ZMAT4: variants seen among roughly 807,000 people sequenced by gnomAD.
ZMAT4 encodes zinc finger matrin-type protein 4.
ZMAT4 carries 17 observed loss-of-function variants against 28.7 expected under a neutral mutation model. The observed-to-expected ratio is 0.59, with a 90% CI of 0.41 to 0.89. ZMAT4 has a LOEUF of 0.89. Among genes scored for constraint, ZMAT4 ranks in the 40% least tolerant of loss-of-function variants. The probability of loss-of-function intolerance (pLI) is 0.00; values close to 1 mark genes in which losing one functional copy is unlikely to be tolerated. For synonymous variants in ZMAT4, 117 were observed against 109.2 expected (o/e 1.07, Z -0.44); for missense variants, 240 against 283.8 (o/e 0.85, Z 1.11).
At chr8:40,549,805 A>G (rs1486130424) in intron 6 of ZMAT4, among the ~76,000 whole-genome samples, 1 of 152,122 alleles carries the variant, frequency 6.6e-6, no homozygotes, top group Non-Finnish European at 1.5e-5. Context: ...TTCATTGCCT[A>G]AATTCCTTAG....
chr8:40,555,250 C>T lies in ZMAT4; in HGVS notation c.675-23012G>A, dbSNP rs59331218. Among the ~76,000 whole-genome samples, 392 of 152,194 alleles carry T rather than the reference C, an allele frequency of 2.6e-3. 2 individuals carry two copies. Among genetic ancestry groups the T allele is most frequent in the African/African-American group, 8.6e-3 (358 of 41,530 alleles). ...CACTTAGGTTAATTCCATATATTTG[C>T]GATTGCGAATACTGCCACAATAAAC... On this transcript the variant is annotated intron_variant, in intron 6 of 6. Transcript: ENST00000297737.
chr8:40,812,934 A>AAAAAT (rs1449323614), intron 2 of ZMAT4, among the ~76,000 whole-genome samples: 641 of 41,100 alleles, frequency 0.016, 11 homozygotes, highest in African/African-American at 0.024. Flanking sequence ...ACTCCATCTC[A>AAAAAT]AAAATTAAAT....
chr8:40,615,258 C>T (rs528350986), intron 5 of ZMAT4, among the ~76,000 whole-genome samples: 16 of 152,298 alleles, frequency 1.1e-4, no homozygotes. Context: ...TTGGCCCCCA[C>T]TCTCTTCTGG....
chr8:40,573,871 C>G (rs1009000669), intron 6 of ZMAT4, among the ~76,000 whole-genome samples: 2 of 152,186 alleles, frequency 1.3e-5, no homozygotes, highest in African/African-American at 4.8e-5. Flanking sequence ...TACAAGGCCA[C>G]TGAGTGGCAA....
At chr8:40,548,177 G>T (rs1435446165) in intron 6 of ZMAT4, among the ~76,000 whole-genome samples, 5 of 152,122 alleles carry the variant, frequency 3.3e-5, no homozygotes, top group African/African-American at 1.2e-4. Context: ...GGACCCTTCA[G>T]GCCATGACAC....
chr8:40,802,512 A>G (rs1814892534), intron 2 of ZMAT4, among the ~76,000 whole-genome samples: 1 of 152,008 alleles, frequency 6.6e-6, no homozygotes, highest in East Asian at 1.9e-4. Flanking sequence ...TAAAATATGT[A>G]TAAGATCTAT....
intron 5 of ZMAT4, among the ~76,000 whole-genome samples, chr8:40,663,852 T>C (rs997494417): frequency 1.3e-5 from 2 of 152,212 alleles, no homozygotes; most frequent in Non-Finnish European, 2.9e-5. Flanking sequence ...CTAGATACAA[T>C]ACATACAGCT....
intron 4 of ZMAT4, among the ~76,000 whole-genome samples, chr8:40,688,669 C>T (rs1469618147): frequency 6.6e-6 from 1 of 152,138 alleles, no homozygotes; most frequent in Non-Finnish European, 1.5e-5. Context: ...GAAACAACTT[C>T]TCTGAAGGCT....
At chr8:40,658,262 T>C (rs924310653) in intron 5 of ZMAT4, among the ~76,000 whole-genome samples, 37 of 152,208 alleles carry the variant, frequency 2.4e-4, no homozygotes, top group Admixed American at 1.9e-3. Context: ...TTGCTTGTTC[T>C]CTTGAGCATG....
chr8:40,858,330 T>C (rs1817369786), intron 1 of ZMAT4, among the ~76,000 whole-genome samples: 1 of 152,168 alleles, frequency 6.6e-6, no homozygotes. Context: ...AACATTGTTT[T>C]TGTCTTTTGC....
chr8:40,793,257 G>C (rs1814440238), intron 2 of ZMAT4, among the ~76,000 whole-genome samples: 2 of 152,196 alleles, frequency 1.3e-5, no homozygotes, highest in Non-Finnish European at 1.5e-5. Context: ...AAATAAGTCT[G>C]TGAATTTAAA....
intron 2 of ZMAT4, among the ~76,000 whole-genome samples, chr8:40,802,360 A>T (rs761872805): frequency 6.6e-6 from 1 of 152,252 alleles, no homozygotes; most frequent in African/African-American, 2.4e-5. Context: ...CCTAGAATTC[A>T]TAGGTGATTA....
intron 2 of ZMAT4, among the ~76,000 whole-genome samples, chr8:40,811,686 T>C (rs1815323903): frequency 1.3e-5 from 2 of 152,266 alleles, no homozygotes; most frequent in East Asian, 1.9e-4. Flanking sequence ...TAAAAGGTAA[T>C]AGATGCTCAT....
chr8:40,786,585 C>A, intron 2 of ZMAT4: 1 of 764,954 alleles, frequency 1.3e-6, no homozygotes. Context: ...AAAGAACAGC[C>A]AGCATGCACG....
intron 5 of ZMAT4, among the ~76,000 whole-genome samples, chr8:40,608,763 C>T (rs1346156602): frequency 1.3e-5 from 2 of 152,190 alleles, no homozygotes; most frequent in East Asian, 3.8e-4. Context: ...GTTCTTTCTG[C>T]TGCTTCCTTT....
At chr8:40,653,933 GC>G (rs1264686069) in intron 5 of ZMAT4, among the ~76,000 whole-genome samples, 2 of 152,172 alleles carry the variant, frequency 1.3e-5, no homozygotes, top group African/African-American at 4.8e-5. Flanking sequence ...ATATAAATGA[GC>G]CAAAGATGGC....
chr8:40,862,426 C>T (rs1373468200), intron 1 of ZMAT4, among the ~76,000 whole-genome samples: 6 of 42,274 alleles, frequency 1.4e-4, no homozygotes, highest in Admixed American at 1.1e-3. Context: ...GTGGTGGGGT[C>T]GGGGGAGGGG....
chr8:40,857,366 T>TAAA (rs71546311), intron 1 of ZMAT4, among the ~76,000 whole-genome samples: 5 of 143,548 alleles, frequency 3.5e-5, no homozygotes, highest in African/African-American at 1.3e-4. Flanking sequence ...CCCTGTCTCT[T>TAAA]AAAAAAAAAA....
At chr8:40,894,286 T>C (rs566716102) in intron 1 of ZMAT4, among the ~76,000 whole-genome samples, 3 of 152,322 alleles carry the variant, frequency 2.0e-5, no homozygotes, top group African/African-American at 4.8e-5. Flanking sequence ...AGAACTGAAC[T>C]TGGGGACAGG....
Sources: allele counts gnomAD v4.1 joint callset (sites outside exome capture counted in the v4.1 genomes callset), GRCh38; gene constraint gnomAD v4.1.1; transcripts MANE v1.5; gene names NCBI Gene and HGNC (gene_info 2026-07-23, HGNC 2026-07-21).